RAB40B: variants seen among roughly 807,000 people sequenced by gnomAD.
RAB40B encodes ras-related protein Rab-40B.
Under a neutral mutation model 24.0 loss-of-function variants are expected in RAB40B, and 21 were observed. The observed-to-expected ratio is 0.88, with a 90% CI of 0.62 to 1.26. The LOEUF (loss-of-function observed/expected upper bound fraction) is 1.26. Ranked by LOEUF, RAB40B falls within the 50% of genes most tolerant of loss-of-function variation. The probability of loss-of-function intolerance (pLI) is 0.00; values close to 1 mark genes in which losing one functional copy is unlikely to be tolerated. For missense variants in RAB40B, 348 were observed against 390.5 expected, an observed-to-expected ratio of 0.89 and a Z score of 0.92; for synonymous variants, 167 against 169.8, an observed-to-expected ratio of 0.98 and a Z score of 0.13.
chr17:82,680,961 C>T (rs2046442678), intron 1 of RAB40B, among the ~76,000 whole-genome samples: 1 of 129,972 alleles, frequency 7.7e-6, no homozygotes, highest in Non-Finnish European at 1.5e-5. Context: ...ACCCGGGAGG[C>T]AGTGAGCTGA....
rs1202978827 is a variant in RAB40B, at chr17:82,697,543, TG to T, written c.142+911del. ...TCAGCCCCGAGGCGCGGCAGGAAGG[TG>T]GGCACAGGCTGGGCTCCTTCCACAG... On this transcript the variant is annotated intron_variant, in intron 1 of 5. Transcript: ENST00000571995. This position sits in a 1 kb window ranked among gnomAD's most constrained non-coding sequence, Gnocchi z 4.9. Among the ~76,000 whole-genome samples, 4 of 152,154 alleles carry T rather than the reference TG, an allele frequency of 2.6e-5. No individual in the cohort carries two copies. The highest frequency in any genetic ancestry group is 9.6e-5 in the African/African-American group (4 of 41,500).
At chr17:82,664,407 C>T (rs1300313235) in intron 2 of RAB40B, 89 bp downstream of exon 2, 2 of 1,346,590 alleles carry the variant, frequency 1.5e-6, no homozygotes, top group African/African-American at 1.4e-5. Context: ...TGGGTGCTCC[C>T]CGGGGCACTG....
At chr17:82,678,506 T>C (rs2247989) in intron 1 of RAB40B, among the ~76,000 whole-genome samples, 95,716 of 152,092 alleles carry the variant, frequency 0.63, 30,684 homozygotes, top group Admixed American at 0.75. Context: ...TTTAGGAATC[T>C]GTTTTAAGTC....
chr17:82,687,058 A>T (rs2046509938), intron 1 of RAB40B, among the ~76,000 whole-genome samples: 1 of 152,042 alleles, frequency 6.6e-6, no homozygotes, highest in Non-Finnish European at 1.5e-5. Context: ...AGGGCATGGA[A>T]GACTCTTGTC....
At position 82,698,692 on chromosome 17, in the gene RAB40B, C is replaced by T. The variant is rs1294034704; in HGVS notation, c.-96G>A. 8 of 979,968 alleles carry T rather than the reference C, an allele frequency of 8.2e-6. No homozygotes were observed. Among genetic ancestry groups the T allele is most frequent in the African/African-American group, 5.3e-5 (3 of 57,108 alleles). The allele number at this position is 979,968 out of a possible 1,614,324, so 60.7% of individuals were successfully genotyped here. A position where few individuals can be genotyped will look rare whatever the true frequency, so the allele number is the denominator to read the frequency against. On this transcript the variant is annotated 5_prime_UTR_variant, in exon 1 of 6. Coordinates refer to ENST00000571995, the MANE Select transcript of RAB40B (RefSeq NM_006822.3). ...AGAGGCGCCGCGCGGGCCCCGAGTC[C>T]TTGCTCGCCTCCGGCCCCGCCCCGC...
chr17:82,693,777 G>A (rs2046581717), intron 1 of RAB40B, among the ~76,000 whole-genome samples: 1 of 152,048 alleles, frequency 6.6e-6, no homozygotes, highest in Non-Finnish European at 1.5e-5. Context: ...GGGGGCCAGA[G>A]ACACAGTCAC....
At chr17:82,674,762 G>A (rs1226999279) in intron 1 of RAB40B, among the ~76,000 whole-genome samples, 4 of 152,130 alleles carry the variant, frequency 2.6e-5, no homozygotes, top group Non-Finnish European at 4.4e-5. Context: ...GGCAACGTTC[G>A]TATGGTTTGG....
chr17:82,693,209 G>C (rs2046576035), intron 1 of RAB40B, among the ~76,000 whole-genome samples: 1 of 152,070 alleles, frequency 6.6e-6, no homozygotes, highest in Non-Finnish European at 1.5e-5. Flanking sequence ...GTTTCACCAA[G>C]TTAGCCAGGC....
intron 1 of RAB40B, among the ~76,000 whole-genome samples, chr17:82,684,441 C>G (rs1253360049): frequency 6.6e-6 from 1 of 152,098 alleles, no homozygotes; most frequent in Non-Finnish European, 1.5e-5. Flanking sequence ...TGGATATTTA[C>G]CCAAGTGAAA....
chr17:82,661,366 A>C (rs4789818), intron 2 of RAB40B: 168,760 of 895,328 alleles, frequency 0.19, 16,966 homozygotes, highest in East Asian at 0.21. Context: ...AGATAAATCT[A>C]TGCAGTAAGG....
At chr17:82,670,951 G>A (rs1158839772) in intron 1 of RAB40B, among the ~76,000 whole-genome samples, 1 of 151,954 alleles carries the variant, frequency 6.6e-6, no homozygotes, top group Non-Finnish European at 1.5e-5. Context: ...TTGGACCCTG[G>A]CCCACCCGAA....
chr17:82,662,778 G>C lies in RAB40B; in HGVS notation c.203+1718C>G, dbSNP rs867164213. On this transcript the variant is annotated intron_variant, in intron 2 of 5. Transcript: ENST00000571995. ...GAGGGAGAAAAGTGTGAGGGTGACT[G>C]TTCGGCCCACTGGGCAGCTGGGGTC... is the stretch of plus-strand genomic sequence containing the variant. The C allele has an allele frequency of 7.9e-5, 78 of 985,440 alleles. No individual in the cohort carries two copies. In the Middle Eastern group the frequency reaches 2.6e-3, roughly 33 times the overall value. The allele number at this position is 985,440 out of a possible 1,614,324, so 61.0% of individuals were successfully genotyped here. A position where few individuals can be genotyped will look rare whatever the true frequency, so the allele number is the denominator to read the frequency against.
At chr17:82,686,404 G>T (rs1269021933) in intron 1 of RAB40B, among the ~76,000 whole-genome samples, 1 of 152,168 alleles carries the variant, frequency 6.6e-6, no homozygotes, top group Non-Finnish European at 1.5e-5. Flanking sequence ...GAGCCACCGC[G>T]CCCGGCCAAG....
chr17:82,659,603 G>C lies in RAB40B; in HGVS notation c.319C>G (p.Arg107Gly), dbSNP rs753016754. ...ACCTCATCGATCTCCTTAATCCATCGATCAATGCCGTCAAAAGACCAGCGG... is the reference window on the plus strand; with the variant it reads ...ACCTCATCGATCTCCTTAATCCATCCATCAATGCCGTCAAAAGACCAGCGG... Reference protein sequence around the residue: ...ANRWSFDGIDRWIKEIDEHAP... With the variant: ...ANRWSFDGIDGWIKEIDEHAP... Residue 107 changes from arginine (R) to glycine (G), a missense_variant, in exon 4 of 6, where the codon CGA (arginine) becomes GGA (glycine). Arg to Gly is a moderately radical substitution (Grantham distance 125, BLOSUM62 -2). Transcript: ENST00000571995. The C allele has an allele frequency of 6.2e-7, 1 of 1,614,080 alleles. No homozygotes were observed. The highest frequency in any genetic ancestry group is 1.3e-5 in the African/African-American group (1 of 75,002).
At chr17:82,688,470 C>G (rs1226567685) in intron 1 of RAB40B, among the ~76,000 whole-genome samples, 1 of 151,556 alleles carries the variant, frequency 6.6e-6, no homozygotes, top group African/African-American at 2.4e-5. Flanking sequence ...AAAAAATTAG[C>G]CAGGCGTGGA....
chr17:82,674,888 A>C (rs1026456511), intron 1 of RAB40B, among the ~76,000 whole-genome samples: 18 of 152,188 alleles, frequency 1.2e-4, no homozygotes, highest in African/African-American at 4.3e-4. Flanking sequence ...AGAAAGAACA[A>C]CACGAGATAA....
At chr17:82,683,875 CAA>C (rs887685204) in intron 1 of RAB40B, among the ~76,000 whole-genome samples, 21 of 150,444 alleles carry the variant, frequency 1.4e-4, no homozygotes, top group Non-Finnish European at 4.4e-5. Flanking sequence ...GACACTTCAC[CAA>C]AGAGAATATG....
intron 1 of RAB40B, among the ~76,000 whole-genome samples, chr17:82,683,577 CAGGATCTCTTG>C (rs1255358138): frequency 6.6e-6 from 1 of 152,056 alleles, no homozygotes; most frequent in African/African-American, 2.4e-5. Context: ...CTCTTGAGCC[CAGGATCTCTTG>C]AGGATCTCTC....
At chr17:82,681,987 A>C (rs1271325654) in intron 1 of RAB40B, among the ~76,000 whole-genome samples, 1 of 152,118 alleles carries the variant, frequency 6.6e-6, no homozygotes, top group Non-Finnish European at 1.5e-5. Flanking sequence ...GAAAATATCC[A>C]CTCTTACCAC....
Sources: allele counts gnomAD v4.1 joint callset (sites outside exome capture counted in the v4.1 genomes callset), GRCh38; gene constraint gnomAD v4.1.1; non-coding constraint Gnocchi (gnomAD v3.1); transcripts MANE v1.5; gene names NCBI Gene and HGNC (gene_info 2026-07-23, HGNC 2026-07-21).